PARP16: variants seen among roughly 807,000 people sequenced by gnomAD.
The protein encoded by PARP16 is protein mono-ADP-ribosyltransferase PARP16.
Under a neutral mutation model 35.0 loss-of-function variants are expected in PARP16, and 31 were observed. That is an observed-to-expected ratio of 0.88 (90% CI 0.66 to 1.19). PARP16 has a LOEUF of 1.19. Among genes scored for constraint, PARP16 ranks in the 50% most tolerant of loss-of-function variants. The pLI, the probability that PARP16 is intolerant of heterozygous loss-of-function variation, is 0.00. For missense variants in PARP16, 424 were observed against 411.2 expected (o/e 1.03, Z -0.27); for synonymous variants, 162 against 169.5 (o/e 0.96, Z 0.34).
At chr15:65,253,590 A>G (rs2089418934), downstream of PARP16, among the ~76,000 whole-genome samples, 1 of 151,984 alleles carries the variant, frequency 6.6e-6, no homozygotes, top group Non-Finnish European at 1.5e-5. Flanking sequence ...TCGGCCTCCC[A>G]AAGTGCTGGG....
intron 3 of PARP16, among the ~76,000 whole-genome samples, chr15:65,244,526 A>T (rs941615181): frequency 6.6e-6 from 1 of 152,222 alleles, no homozygotes; most frequent in African/African-American, 2.4e-5. Context: ...TCATGAGAGC[A>T]GCACGGGAAA....
chr15:65,232,897 AAAAC>A (rs869219873), downstream of PARP16, among the ~76,000 whole-genome samples: 276 of 6,836 alleles, frequency 0.04, no homozygotes, highest in Admixed American at 0.064. Context: ...ATCTCTACAA[AAAAC>A]AAAACAAAAC....
chr15:65,267,500 G>A (rs62012555), intron 2 of PARP16, among the ~76,000 whole-genome samples: 2,382 of 150,650 alleles, frequency 0.016, 53 homozygotes, highest in African/African-American at 0.049. Context: ...CCAGCTACTC[G>A]GGAGGCTGAG....
chr15:65,234,744 G>C (rs1361892254), exon 4 of PARP16: 2 of 152,332 alleles, frequency 1.3e-5, no homozygotes, highest in African/African-American at 4.8e-5. Context: ...GTTTTCAGTG[G>C]GGCTTCTGGC....
At chr15:65,269,415 C>A (rs537371164) in intron 2 of PARP16, among the ~76,000 whole-genome samples, 7 of 152,150 alleles carry the variant, frequency 4.6e-5, no homozygotes, top group African/African-American at 1.7e-4. Context: ...CCAGGCTGGT[C>A]TCAAACTCCT....
intron 3 of PARP16, among the ~76,000 whole-genome samples, chr15:65,242,839 T>C (rs552859399): frequency 1.3e-5 from 2 of 151,830 alleles, no homozygotes; most frequent in East Asian, 2.0e-4. Flanking sequence ...CTCAGCCTCC[T>C]GAGTAGCTGG....
intron 2 of PARP16, among the ~76,000 whole-genome samples, chr15:65,267,718 G>C (rs758947397): frequency 3.7e-5 from 3 of 80,538 alleles, no homozygotes; most frequent in Non-Finnish European, 6.5e-5. Flanking sequence ...AGACAGTCTC[G>C]CTCTGTCGCC....
chr15:65,269,917 A>G (rs1015007471), intron 2 of PARP16, among the ~76,000 whole-genome samples: 3 of 152,214 alleles, frequency 2.0e-5, no homozygotes, highest in Non-Finnish European at 4.4e-5. Context: ...AATTCAACAC[A>G]TAACAACAGT....
At chr15:65,233,390 A>C (rs2088805557), downstream of PARP16, among the ~76,000 whole-genome samples, 1 of 152,138 alleles carries the variant, frequency 6.6e-6, no homozygotes, top group Non-Finnish European at 1.5e-5. Flanking sequence ...TGACAGATCG[A>C]GACTCCGTCT....
Position 65,286,388 on chromosome 15 carries a change from CGCCGCCTCCCTGGCG to C in PARP16, c.24_38del (p.Ala9_Ala13del). ...GGTCGGCGGCCAGCATGTCGCGGCC[CGCCGCCTCCCTGGCG>C]GCCGCCCAGCCTGAGGGCTGCATCC... On this transcript the variant is annotated inframe_deletion, in exon 1 of 6. Coordinates refer to ENST00000649807, the MANE Select transcript of PARP16 (RefSeq NM_001316943.2). 1 of 1,555,024 alleles carries C rather than the reference CGCCGCCTCCCTGGCG, an allele frequency of 6.4e-7. No homozygotes were observed. The highest frequency in any genetic ancestry group is 8.7e-7 in the Non-Finnish European group (1 of 1,154,712).
At chr15:65,272,967 G>A (rs2090137459) in intron 1 of PARP16, among the ~76,000 whole-genome samples, 1 of 152,052 alleles carries the variant, frequency 6.6e-6, no homozygotes, top group Non-Finnish European at 1.5e-5. Flanking sequence ...TGCAAGGGAT[G>A]TAGTTGGCAC....
intron 1 of PARP16, among the ~76,000 whole-genome samples, chr15:65,278,211 C>T (rs191280040): frequency 2.0e-5 from 3 of 152,296 alleles, no homozygotes; most frequent in Admixed American, 1.3e-4. Flanking sequence ...CTGGTGACTC[C>T]GGCCTCCATT....
At chr15:65,251,184 C>A in intron 2 of PARP16, among the ~76,000 whole-genome samples, 1 of 152,134 alleles carries the variant, frequency 6.6e-6, no homozygotes, top group Non-Finnish European at 1.5e-5. Flanking sequence ...ATGCCCCTGC[C>A]TCCCATCTCT....
downstream of PARP16, among the ~76,000 whole-genome samples, chr15:65,253,432 G>A (rs1325178535): frequency 3.3e-5 from 5 of 149,558 alleles, no homozygotes; most frequent in Admixed American, 6.6e-5. Flanking sequence ...CCGGGTTCAC[G>A]CCATTCTCCT....
downstream of PARP16, among the ~76,000 whole-genome samples, chr15:65,256,887 A>C (rs1344003760): frequency 6.6e-6 from 1 of 152,132 alleles, no homozygotes; most frequent in East Asian, 1.9e-4. Flanking sequence ...CCTAGAACCA[A>C]TTCCTCTGGG....
chr15:65,258,777 G>A lies in PARP16; in HGVS notation c.*630C>T, dbSNP rs952817078. The A allele has an allele frequency of 6.6e-6, 1 of 152,554 alleles. No homozygotes were observed. Among genetic ancestry groups the A allele is most frequent in the Admixed American group, 6.5e-5 (1 of 15,270 alleles). 9.5% of individuals were successfully genotyped at this position (152,554 alleles called of 1,614,324 possible). On this transcript the variant is annotated 3_prime_UTR_variant, in exon 6 of 6. Coordinates refer to ENST00000649807, the MANE Select transcript of PARP16 (RefSeq NM_001316943.2). ...CTCATTAAGTCTGTATTTTTTATCA[G>A]GCCCCTGACTCCTTTCTTTCTCATC...
In PARP16 at chr15:65,248,025, C is replaced by T. The variant is rs564329196; in HGVS notation, c.*97+92G>A. ...TTCACCGTGTTAGCCAGGATGGTCT[C>T]GATCTCCTGACCTTGTGATCCGCCC... is the stretch of plus-strand genomic sequence containing the variant. On this transcript the variant is annotated intron_variant and NMD_transcript_variant, in intron 3 of 3. Transcript: ENST00000559805. 4.2e-4 allele frequency: 158 copies of T among 373,560 alleles called. 2 individuals carry two copies. The Middle Eastern group carries it at 4.7e-3, about 11-fold the overall frequency. 23.1% of individuals were successfully genotyped at this position (373,560 alleles called of 1,614,324 possible). A position where few individuals can be genotyped will look rare whatever the true frequency, so the allele number is the denominator to read the frequency against.
In PARP16 at chr15:65,259,389, A is replaced by T. The variant is rs963177354; in HGVS notation, c.*18T>A. 1.2e-6 allele frequency: 2 copies of T among 1,613,982 alleles called. No homozygotes were observed. The highest frequency in any genetic ancestry group is 8.5e-7 in the Non-Finnish European group (1 of 1,179,870). On this transcript the variant is annotated 3_prime_UTR_variant, in exon 6 of 6. Coordinates refer to ENST00000649807, the MANE Select transcript of PARP16 (RefSeq NM_001316943.2). ...AAGGCACATAGTTGAGGTAGCCCCC[A>T]CACCAGGCCCAGAAAGATTATCTTT...
intron 2 of PARP16, among the ~76,000 whole-genome samples, chr15:65,269,126 C>T (rs2090001780): frequency 6.6e-6 from 1 of 151,920 alleles, no homozygotes; most frequent in South Asian, 2.1e-4. Flanking sequence ...TCCCAGTTAC[C>T]CAAGACAAGC....
Sources: allele counts gnomAD v4.1 joint callset (sites outside exome capture counted in the v4.1 genomes callset), GRCh38; gene constraint gnomAD v4.1.1; transcripts MANE v1.5; gene names NCBI Gene and HGNC (gene_info 2026-07-23, HGNC 2026-07-21).